The following SYN3 variants were observed in gnomAD, a reference collection of about 807,000 sequenced individuals.
The protein encoded by SYN3 is synapsin-3.
Under a neutral mutation model 65.8 loss-of-function variants are expected in SYN3, and 35 were observed. The observed-to-expected ratio is 0.53, with a 90% CI of 0.41 to 0.70. The LOEUF is 0.70. Among genes scored for constraint, SYN3 ranks in the 30% least tolerant of loss-of-function variants. SYN3 has a pLI of 0.00. For synonymous variants in SYN3, 270 were observed against 292.9 expected (o/e 0.92, Z 0.80); for missense variants, 680 against 749.0 (o/e 0.91, Z 1.08).
chr22:32,838,843 T>C (rs2047812299), intron 6 of SYN3, among the ~76,000 whole-genome samples: 1 of 151,844 alleles, frequency 6.6e-6, no homozygotes, highest in Non-Finnish European at 1.5e-5. Flanking sequence ...CTGGCCACAA[T>C]CTAGGCTCTA....
chr22:33,035,111 G>T (rs1228037339), intron 1 of SYN3, among the ~76,000 whole-genome samples: 1 of 152,118 alleles, frequency 6.6e-6, no homozygotes, highest in East Asian at 1.9e-4. Flanking sequence ...AAGGAGTGGG[G>T]TGGGCATATT....
chr22:32,880,169 A>C (rs1054858413), intron 4 of SYN3, among the ~76,000 whole-genome samples: 3 of 152,242 alleles, frequency 2.0e-5, no homozygotes, highest in South Asian at 2.1e-4. Context: ...ATTATTGGGT[A>C]CTTGCTGAGT....
chr22:32,983,351 G>A (rs1313986026), intron 2 of SYN3, among the ~76,000 whole-genome samples: 1 of 152,106 alleles, frequency 6.6e-6, no homozygotes, highest in Non-Finnish European at 1.5e-5. Flanking sequence ...TTCCTTGGAA[G>A]ATGGATGTCA....
intron 1 of SYN3, among the ~76,000 whole-genome samples, chr22:33,023,780 C>G (rs1160555850): frequency 6.6e-6 from 1 of 152,184 alleles, no homozygotes; most frequent in Non-Finnish European, 1.5e-5. Flanking sequence ...GTCTGGAGCT[C>G]AAGTGTCACC....
At chr22:32,956,705 C>T (rs1489055713) in intron 3 of SYN3, among the ~76,000 whole-genome samples, 3 of 152,172 alleles carry the variant, frequency 2.0e-5, no homozygotes, top group Non-Finnish European at 2.9e-5. Context: ...GTTGTTTCCA[C>T]CTTTTGGCTA....
chr22:32,790,208 A>C, intron 6 of SYN3, among the ~76,000 whole-genome samples: 1 of 152,186 alleles, frequency 6.6e-6, no homozygotes. Flanking sequence ...CATCATAGCC[A>C]ATTTTAAGTT....
intron 6 of SYN3, among the ~76,000 whole-genome samples, chr22:32,698,515 T>A (rs1476688459): frequency 1.3e-5 from 2 of 152,172 alleles, no homozygotes; most frequent in Non-Finnish European, 2.9e-5. Flanking sequence ...AACCCAAAAA[T>A]GTGGCAAAGT....
chr22:32,744,221 C>T (rs1230488850), intron 6 of SYN3, among the ~76,000 whole-genome samples: 2 of 152,124 alleles, frequency 1.3e-5, no homozygotes, highest in African/African-American at 4.8e-5. Flanking sequence ...AAATCTCTTT[C>T]CCTCGTTGGG....
chr22:32,823,168 A>T (rs2047302049), intron 6 of SYN3, among the ~76,000 whole-genome samples: 1 of 152,222 alleles, frequency 6.6e-6, no homozygotes, highest in Admixed American at 6.5e-5. Context: ...TTTTGGGTCT[A>T]GAGCATCATG....
rs2057656518 is a variant in SYN3, at chr22:32,508,465, A to G, written c.*5227T>C. Among the ~76,000 whole-genome samples the G allele has an allele frequency of 6.6e-6, 1 of 152,174 alleles. No individual in the cohort carries two copies. The highest frequency in any genetic ancestry group is 2.4e-5 in the African/African-American group (1 of 41,438). On this transcript the variant is annotated 3_prime_UTR_variant, in exon 14 of 14. Coordinates refer to ENST00000358763, the MANE Select transcript of SYN3 (RefSeq NM_003490.4). ...ATAAACAGCCATGTTGCTCACACAAAGCCTGTTTAGTGGTCTCTTCACACA... is the reference window on the plus strand; with the variant it reads ...ATAAACAGCCATGTTGCTCACACAAGGCCTGTTTAGTGGTCTCTTCACACA...
chr22:32,540,512 A>G (rs2058237443), intron 8 of SYN3, among the ~76,000 whole-genome samples: 1 of 152,236 alleles, frequency 6.6e-6, no homozygotes. Flanking sequence ...TTCAAGTGGA[A>G]CTAACAATAA....
intron 6 of SYN3, among the ~76,000 whole-genome samples, chr22:32,845,911 C>A (rs570874412): frequency 4.6e-5 from 7 of 152,170 alleles, no homozygotes; most frequent in Admixed American, 1.3e-4. Context: ...CAGGAGAGTA[C>A]AAAATAGCAC....
chr22:32,538,187 G>T, intron 8 of SYN3, 77 bp from the exon 9 acceptor site: 1 of 1,325,216 alleles, frequency 7.5e-7, no homozygotes, highest in Non-Finnish European at 1.1e-6. Context: ...TGCTTTGGCT[G>T]TTAGGAGGCT....
At chr22:33,047,227 G>A (rs1303532593) in intron 1 of SYN3, among the ~76,000 whole-genome samples, 1 of 152,032 alleles carries the variant, frequency 6.6e-6, no homozygotes, top group African/African-American at 2.4e-5. Flanking sequence ...GAGAATATAA[G>A]ATGCATGAGG....
chr22:32,706,314 G>A (rs1051374041), intron 6 of SYN3, among the ~76,000 whole-genome samples: 1 of 151,782 alleles, frequency 6.6e-6, no homozygotes, highest in South Asian at 2.1e-4. Context: ...AAAGCAGCCA[G>A]AAAAAAGCGA....
At chr22:32,521,636 CA>C (rs1417662359) in intron 12 of SYN3, among the ~76,000 whole-genome samples, 1 of 151,764 alleles carries the variant, frequency 6.6e-6, no homozygotes, top group Non-Finnish European at 1.5e-5. Flanking sequence ...TTAGTAGAGA[CA>C]GGGTTTCCCC....
At chr22:32,523,410 G>A (rs2057921946) in intron 12 of SYN3, among the ~76,000 whole-genome samples, 1 of 152,212 alleles carries the variant, frequency 6.6e-6, no homozygotes, top group African/African-American at 2.4e-5. Context: ...CTACCCGGGA[G>A]GCTGAGGCAG....
chr22:32,845,619 T>G (rs1378676832), intron 6 of SYN3, among the ~76,000 whole-genome samples: 1 of 152,176 alleles, frequency 6.6e-6, no homozygotes, highest in Non-Finnish European at 1.5e-5. Context: ...ACCTAGTTCA[T>G]GCCTATGTTG....
At chr22:32,910,974 T>C (rs1049298360) in intron 4 of SYN3, among the ~76,000 whole-genome samples, 3 of 152,184 alleles carry the variant, frequency 2.0e-5, no homozygotes, top group Non-Finnish European at 2.9e-5. Context: ...AGAACCTGAA[T>C]CCAGGTCAGC....
Sources: gnomAD v4.1 joint callset for allele counts (sites outside exome capture counted in the v4.1 genomes callset) on GRCh38, gnomAD v4.1.1 for gene constraint, MANE v1.5 for transcripts, NCBI Gene and HGNC (gene_info 2026-07-23, HGNC 2026-07-21) for gene names.